CELF2: variants seen among roughly 807,000 people sequenced by gnomAD.
CELF2 encodes CUG triplet repeat RNA-binding protein 2.
CELF2 carries 8 observed loss-of-function variants against 62.6 expected under a neutral mutation model. That is an observed-to-expected ratio of 0.13 (90% confidence interval 0.07 to 0.23). The LOEUF (loss-of-function observed/expected upper bound fraction) is 0.23, where lower values mean the gene tolerates loss of function less well. Among genes scored for constraint, CELF2 ranks in the 10% least tolerant of loss-of-function variants. CELF2 has a pLI of 1.00. For synonymous variants in CELF2, 258 were observed against 250.0 expected (o/e 1.03, Z -0.30); for missense variants, 333 against 671.0 (o/e 0.50, Z 5.56).
At chr10:11,153,615 G>A (rs1396040480) in intron 1 of CELF2, among the ~76,000 whole-genome samples, 1 of 152,192 alleles carries the variant, frequency 6.6e-6, no homozygotes, top group Non-Finnish European at 1.5e-5. Context: ...TAACACCCTT[G>A]GTTCTGCTGT....
chr10:11,213,421 C>G (rs1359958111), intron 2 of CELF2, among the ~76,000 whole-genome samples: 2 of 152,204 alleles, frequency 1.3e-5, no homozygotes, highest in Admixed American at 1.3e-4. Context: ...GTTCCCTTAA[C>G]AGCTGTATAT....
the CELF2 span, among the ~76,000 whole-genome samples, chr10:10,698,001 C>T: frequency 6.6e-6 from 1 of 152,142 alleles, no homozygotes; most frequent in Non-Finnish European, 1.5e-5. Flanking sequence ...CCATGTTTGG[C>T]CAGGCTGGTC....
the CELF2 span, among the ~76,000 whole-genome samples, chr10:10,539,687 C>T: frequency 4.6e-5 from 7 of 152,214 alleles, no homozygotes; most frequent in Admixed American, 1.3e-4. Context: ...ACTCAGCTTG[C>T]ACTGAGAACG....
At chr10:10,735,358 G>A in the CELF2 span, among the ~76,000 whole-genome samples, 5 of 152,060 alleles carry the variant, frequency 3.3e-5, no homozygotes, top group East Asian at 5.8e-4. Context: ...GCCATATTTC[G>A]TGGGCTATTT....
At chr10:10,850,411 C>T (rs1323996156) in intron 1 of CELF2, among the ~76,000 whole-genome samples, 1 of 152,190 alleles carries the variant, frequency 6.6e-6, no homozygotes, top group Admixed American at 6.5e-5. Context: ...AATGAATTGC[C>T]AAGACATGGC....
chr10:10,917,665 A>G (rs1387439936), intron 1 of CELF2, among the ~76,000 whole-genome samples: 1 of 152,170 alleles, frequency 6.6e-6, no homozygotes, highest in East Asian at 1.9e-4. Flanking sequence ...TCAGTTGAAG[A>G]CAGCTTTGTC....
chr10:10,673,451 C>T, the CELF2 span, among the ~76,000 whole-genome samples: 2 of 152,066 alleles, frequency 1.3e-5, no homozygotes, highest in African/African-American at 4.8e-5. Flanking sequence ...CTCACTAGGG[C>T]CTTACCAATT....
At chr10:11,062,670 G>A (rs2067082418) in intron 1 of CELF2, among the ~76,000 whole-genome samples, 1 of 152,192 alleles carries the variant, frequency 6.6e-6, no homozygotes, top group Non-Finnish European at 1.5e-5. Flanking sequence ...TTACGGATGA[G>A]CAAAGAAATC....
At chr10:10,836,737 T>C (rs2058319122) in intron 1 of CELF2, among the ~76,000 whole-genome samples, 1 of 152,190 alleles carries the variant, frequency 6.6e-6, no homozygotes, top group Admixed American at 6.5e-5. Context: ...CCAGGTTCAA[T>C]TGATTCTCCT....
the CELF2 span, among the ~76,000 whole-genome samples, chr10:10,567,853 G>A: frequency 1.3e-5 from 2 of 152,120 alleles, no homozygotes; most frequent in Admixed American, 1.3e-4. Context: ...GATCTAGGCA[G>A]CATACCACAG....
intron 1 of CELF2, among the ~76,000 whole-genome samples, chr10:10,846,579 T>G (rs1225717494): frequency 6.6e-6 from 1 of 152,174 alleles, no homozygotes; most frequent in Non-Finnish European, 1.5e-5. Flanking sequence ...TTTAGAAGGG[T>G]TCCATAAATT....
intron 2 of CELF2, among the ~76,000 whole-genome samples, chr10:11,201,893 G>C (rs1345951503): frequency 6.6e-6 from 1 of 152,014 alleles, no homozygotes; most frequent in Non-Finnish European, 1.5e-5. Context: ...AAAGGTATTT[G>C]GTACCTTCGT....
the CELF2 span, among the ~76,000 whole-genome samples, chr10:10,611,027 G>T: frequency 6.6e-6 from 1 of 152,322 alleles, no homozygotes; most frequent in East Asian, 1.9e-4. Flanking sequence ...TTTGGACGAG[G>T]TGCTCTGTAT....
At chr10:11,277,909 T>C (rs573676480) in intron 8 of CELF2, among the ~76,000 whole-genome samples, 2 of 152,326 alleles carry the variant, frequency 1.3e-5, no homozygotes, top group Non-Finnish European at 2.9e-5. Context: ...GACAGATATA[T>C]ATAAAATGAT....
chr10:11,283,450 A>G lies in CELF2; in HGVS notation c.842-4968A>G, dbSNP rs144667681. On this transcript the variant is annotated intron_variant, in intron 8 of 12. Coordinates refer to ENST00000633077, the MANE Select transcript of CELF2 (RefSeq NM_001326342.2). ...CAGTAATTACTGGATGGTTGGATGG[A>G]TGGATGATGGGTAGATAGATGGATG... Among the ~76,000 whole-genome samples, 10 of 152,244 alleles carry G rather than the reference A, an allele frequency of 6.6e-5. No individual in the cohort carries two copies. The East Asian group carries it at 1.7e-3, about 26-fold the overall frequency.
chr10:11,206,764 A>G (rs2060522421), intron 2 of CELF2, among the ~76,000 whole-genome samples: 1 of 152,270 alleles, frequency 6.6e-6, no homozygotes, highest in African/African-American at 2.4e-5. Context: ...AGGTTTTGAA[A>G]AATACAAAGC....
At chr10:10,493,759 C>T in the CELF2 span, among the ~76,000 whole-genome samples, 18 of 152,062 alleles carry the variant, frequency 1.2e-4, no homozygotes, top group East Asian at 3.3e-3. Flanking sequence ...CTCAAACTCC[C>T]GACCTCAAGT....
the CELF2 span, among the ~76,000 whole-genome samples, chr10:10,628,004 G>A: frequency 6.6e-6 from 1 of 152,192 alleles, no homozygotes. Context: ...CTGGGTTCAA[G>A]CAATTCTCCT....
At chr10:11,183,590 T>C (rs1289020509) in intron 2 of CELF2, among the ~76,000 whole-genome samples, 2 of 152,170 alleles carry the variant, frequency 1.3e-5, no homozygotes, top group Non-Finnish European at 2.9e-5. Flanking sequence ...TCCCTCCACA[T>C]TCCCTCCAAC....
Sources: allele counts gnomAD v4.1 joint callset (sites outside exome capture counted in the v4.1 genomes callset), GRCh38; gene constraint gnomAD v4.1.1; transcripts MANE v1.5; gene names NCBI Gene and HGNC (gene_info 2026-07-23, HGNC 2026-07-21).